Variants in CNTLN observed in about 807,000 individuals in gnomAD.
CNTLN encodes centlein.
In CNTLN, 212 loss-of-function variants were observed where a neutral mutation model predicts 180.0. The observed-to-expected ratio is 1.18, with a 90% confidence interval of 1.05 to 1.32. CNTLN has a LOEUF of 1.32. Among genes scored for constraint, CNTLN ranks in the 40% most tolerant of loss-of-function variants. The pLI, the probability that CNTLN is intolerant of heterozygous loss-of-function variation, is 0.00. For missense variants in CNTLN, 2,095 were observed against 1,610.9 expected (o/e 1.30, Z -5.14); for synonymous variants, 722 against 563.1 (o/e 1.28, Z -3.99).
At chr9:17,266,499 T>A (rs1004809265) in intron 5 of CNTLN, among the ~76,000 whole-genome samples, 2 of 152,078 alleles carry the variant, frequency 1.3e-5, no homozygotes, top group Non-Finnish European at 2.9e-5. Context: ...TGCTGCTGAA[T>A]AAAATGTATA....
intron 2 of CNTLN, among the ~76,000 whole-genome samples, chr9:17,207,044 G>A (rs866102036): frequency 1.4e-4 from 21 of 152,224 alleles, no homozygotes; most frequent in Admixed American, 3.3e-4. Flanking sequence ...CAGTCTGGTG[G>A]TGAATCCGCC....
intron 6 of CNTLN, among the ~76,000 whole-genome samples, chr9:17,275,883 A>T (rs1280893007): frequency 2.0e-5 from 3 of 152,140 alleles, no homozygotes; most frequent in Admixed American, 2.0e-4. Flanking sequence ...ATGCAGGAAC[A>T]AAAAACCAAA....
chr9:17,260,728 G>T (rs1027397220), intron 5 of CNTLN, among the ~76,000 whole-genome samples: 1 of 151,474 alleles, frequency 6.6e-6, no homozygotes, highest in Non-Finnish European at 1.5e-5. Context: ...TGTTGCAGTT[G>T]CTTTTGATGT....
downstream of CNTLN, among the ~76,000 whole-genome samples, chr9:17,508,854 T>A (rs905982845): frequency 2.6e-5 from 4 of 152,160 alleles, no homozygotes; most frequent in Non-Finnish European, 5.9e-5. Context: ...CTCTTGAAGG[T>A]CAGGGACTAG....
At chr9:17,252,041 A>C (rs1024388289) in intron 5 of CNTLN, among the ~76,000 whole-genome samples, 1 of 151,846 alleles carries the variant, frequency 6.6e-6, no homozygotes, top group Non-Finnish European at 1.5e-5. Context: ...AGTTCCATCC[A>C]TGCTACTTCA....
chr9:17,210,389 A>G (rs549961845), intron 2 of CNTLN, among the ~76,000 whole-genome samples: 4 of 152,308 alleles, frequency 2.6e-5, no homozygotes, highest in African/African-American at 7.2e-5. Context: ...CAAAGGACAT[A>G]AACTCATCCT....
intron 18 of CNTLN, among the ~76,000 whole-genome samples, chr9:17,451,373 G>C (rs1265110188): frequency 6.6e-6 from 1 of 152,178 alleles, no homozygotes; most frequent in Non-Finnish European, 1.5e-5. Flanking sequence ...ATCAGATTAT[G>C]AGAATGTAAA....
At chr9:17,453,530 T>C (rs1257944025) in intron 18 of CNTLN, among the ~76,000 whole-genome samples, 1 of 152,138 alleles carries the variant, frequency 6.6e-6, no homozygotes, top group African/African-American at 2.4e-5. Context: ...CCCATATTAA[T>C]TTTCTGTGCT....
intron 5 of CNTLN, among the ~76,000 whole-genome samples, chr9:17,248,024 T>C (rs1007365814): frequency 6.6e-6 from 1 of 152,068 alleles, no homozygotes; most frequent in African/African-American, 2.4e-5. Context: ...GGTTTTGCCA[T>C]GTTGCTTTGG....
At chr9:17,519,557 T>G in the CNTLN span, among the ~76,000 whole-genome samples, 3 of 152,200 alleles carry the variant, frequency 2.0e-5, no homozygotes, top group African/African-American at 7.2e-5. Flanking sequence ...TAGATTGAAC[T>G]GTTGTAAATA....
In CNTLN at chr9:17,394,557, G is replaced by T; in HGVS notation, c.2103G>T (p.Leu701=). The T allele has an allele frequency of 6.3e-7, 1 of 1,582,092 alleles. No individual in the cohort carries two copies. Among genetic ancestry groups the T allele is most frequent in the South Asian group, 1.2e-5 (1 of 84,332 alleles). The change falls in exon 15 of 26, where the codon CTG becomes CTT. Residue 701 remains leucine, a synonymous_variant. Transcript: ENST00000380647. Reference sequence around the variant, plus strand: ...AGGTCACTGAGTTGGAAAATCGGCTGAAATCTTTTGAGAAAAGGTCGAGAA... The same window carrying T: ...AGGTCACTGAGTTGGAAAATCGGCTTAAATCTTTTGAGAAAAGGTCGAGAA... The part of the protein sequence containing the change: ...LQKVTELENR[L]KSFEKRSRKL...
intron 6 of CNTLN, among the ~76,000 whole-genome samples, chr9:17,296,534 C>T (rs1328965030): frequency 6.6e-6 from 1 of 152,042 alleles, no homozygotes; most frequent in Non-Finnish European, 1.5e-5. Context: ...TTTAGGCCTC[C>T]TGGCTAACGT....
At chr9:17,441,117 A>G (rs1294889269) in intron 18 of CNTLN, among the ~76,000 whole-genome samples, 5 of 152,232 alleles carry the variant, frequency 3.3e-5, no homozygotes, top group Non-Finnish European at 7.3e-5. Flanking sequence ...GTCTGGCAAA[A>G]CTGTCTTCAA....
At chr9:17,176,864 C>T (rs1421371469) in intron 2 of CNTLN, among the ~76,000 whole-genome samples, 1 of 152,068 alleles carries the variant, frequency 6.6e-6, no homozygotes, top group African/African-American at 2.4e-5. Flanking sequence ...ATGTGTATAG[C>T]GTTGTTCACA....
chr9:17,221,160 C>G (rs1339168211), intron 2 of CNTLN, among the ~76,000 whole-genome samples: 1 of 151,984 alleles, frequency 6.6e-6, no homozygotes, highest in Non-Finnish European at 1.5e-5. Context: ...ATTTAGTATT[C>G]TTTTGCAGTA....
intron 6 of CNTLN, among the ~76,000 whole-genome samples, chr9:17,285,339 A>AT (rs1323070939): frequency 1.3e-5 from 2 of 149,038 alleles, no homozygotes; most frequent in Non-Finnish European, 3.0e-5. Flanking sequence ...CGAACTCATC[A>AT]TTTTTTATGG....
chr9:17,467,231 A>G (rs896157632), intron 23 of CNTLN, among the ~76,000 whole-genome samples: 16 of 151,562 alleles, frequency 1.1e-4, no homozygotes, highest in Non-Finnish European at 2.1e-4. Flanking sequence ...AGGAACAACC[A>G]GAAACTTGCT....
chr9:17,439,543 A>T (rs1216326972), intron 18 of CNTLN, among the ~76,000 whole-genome samples: 1 of 152,250 alleles, frequency 6.6e-6, no homozygotes, highest in Admixed American at 6.5e-5. Context: ...TTAGAATGTG[A>T]CTAAGGTGGT....
At chr9:17,502,450 G>A (rs541127619) in intron 25 of CNTLN, 101 bp from the exon 26 acceptor site, 1 of 569,936 alleles carries the variant, frequency 1.8e-6, no homozygotes, top group Non-Finnish European at 3.0e-6. Context: ...TGGCTGCAAA[G>A]TTGCAGACAT....
Sources: gnomAD v4.1 joint callset for allele counts (sites outside exome capture counted in the v4.1 genomes callset) on GRCh38, gnomAD v4.1.1 for gene constraint, MANE v1.5 for transcripts, NCBI Gene and HGNC (gene_info 2026-07-23, HGNC 2026-07-21) for gene names.